The following CABIN1 variants were observed in gnomAD, a reference collection of about 807,000 sequenced individuals.
CABIN1 encodes the protein calcineurin binding protein 1, also known as calcineurin-binding protein cabin-1.
A neutral mutation model predicts 227.7 loss-of-function variants in CABIN1; 133 were observed. The ratio of observed to expected loss-of-function variants is 0.58; its 90% CI spans 0.51 to 0.67. The LOEUF (loss-of-function observed/expected upper bound fraction) is 0.67. Ranked by LOEUF, CABIN1 falls within the 30% of genes least tolerant of loss-of-function variation. CABIN1 has a pLI of 0.00. For synonymous variants in CABIN1, 1,086 were observed against 1,155.1 expected (o/e 0.94, Z 1.21); for missense variants, 2,408 against 2,852.5 (o/e 0.84, Z 3.55).
chr22:24,046,343 T>G (rs1456165667), intron 6 of CABIN1, among the ~76,000 whole-genome samples: 1 of 152,214 alleles, frequency 6.6e-6, no homozygotes, highest in East Asian at 1.9e-4. Context: ...ATATGTCTTT[T>G]AGTGAACATA....
chr22:24,061,611 C>A (rs1052851591), intron 12 of CABIN1, among the ~76,000 whole-genome samples: 5 of 152,220 alleles, frequency 3.3e-5, no homozygotes, highest in African/African-American at 7.2e-5. Flanking sequence ...AATGGTATAC[C>A]AGCTGCCCAG....
intron 18 of CABIN1, among the ~76,000 whole-genome samples, chr22:24,073,165 G>A (rs5996665): frequency 0.11 from 16,926 of 152,176 alleles, 1,063 homozygotes; most frequent in African/African-American, 0.16. Context: ...GGTAGAAAGT[G>A]TGCTGGATTG....
chr22:24,056,166 G>C (rs574169332), intron 9 of CABIN1, 26 bp from the exon 10 acceptor site: 1 of 1,610,682 alleles, frequency 6.2e-7, no homozygotes, highest in Non-Finnish European at 8.5e-7. Flanking sequence ...CACCGTGTAA[G>C]ATTTTAATTT....
At chr22:24,157,816 TAGGCTGGAACC>T (rs2045925660) in intron 29 of CABIN1, among the ~76,000 whole-genome samples, 1 of 152,152 alleles carries the variant, frequency 6.6e-6, no homozygotes, top group South Asian at 2.1e-4. Context: ...TGCTTAAGAA[TAGGCTGGAACC>T]AGGAGGAAGT....
At chr22:24,114,173 A>G (rs993106286) in intron 27 of CABIN1, among the ~76,000 whole-genome samples, 1 of 152,250 alleles carries the variant, frequency 6.6e-6, no homozygotes, top group African/African-American at 2.4e-5. Flanking sequence ...TGAGGTCTTC[A>G]GGAAAAATCT....
chr22:24,129,460 G>A (rs2043934337), intron 28 of CABIN1, among the ~76,000 whole-genome samples: 1 of 152,218 alleles, frequency 6.6e-6, no homozygotes, highest in African/African-American at 2.4e-5. Flanking sequence ...GACCCAAGCA[G>A]CCCCACTCAC....
intron 29 of CABIN1, among the ~76,000 whole-genome samples, chr22:24,159,059 G>C (rs1204869783): frequency 6.6e-6 from 1 of 152,210 alleles, no homozygotes; most frequent in African/African-American, 2.4e-5. Flanking sequence ...CTCTCTGCCT[G>C]TGGGCTTCTC....
Position 24,166,953 on chromosome 22 carries a change from G to A in CABIN1, c.5322G>A (p.Glu1774=), listed in dbSNP as rs769481743. The A allele has an allele frequency of 1.3e-6, 2 of 1,595,966 alleles. No individual in the cohort carries two copies. Among genetic ancestry groups the A allele is most frequent in the South Asian group, 2.2e-5 (2 of 88,982 alleles). ...CCACTGTTTGCCACTCAGACTTGGAGCGGACACCACCCCTGCTGCCAGGTC... is the reference window on the plus strand; with the variant it reads ...CCACTGTTTGCCACTCAGACTTGGAACGGACACCACCCCTGCTGCCAGGTC... ...SEATVCHSDL[E]RTPPLLPGRP... The change falls in exon 32 of 37, where the codon GAG becomes GAA. Residue 1774 remains glutamate, a synonymous_variant. Coordinates refer to ENST00000263119, the MANE Select transcript of CABIN1 (RefSeq NM_012295.4).
At chr22:24,176,659 T>C (rs1465379101) in intron 35 of CABIN1, among the ~76,000 whole-genome samples, 1 of 152,044 alleles carries the variant, frequency 6.6e-6, no homozygotes, top group Non-Finnish European at 1.5e-5. Flanking sequence ...TGACAGACAC[T>C]TGAGGGACAT....
At position 24,164,277 on chromosome 22, in the gene CABIN1, AG is replaced by A; in HGVS notation, c.4747-122del. On this transcript the variant is annotated intron_variant, in intron 29 of 36. Coordinates refer to ENST00000263119, the MANE Select transcript of CABIN1 (RefSeq NM_012295.4). ...TTGGGACAGTGAGAGGGGTCCAAGA[AG>A]CCCCTGGCTGGGCAGTGTCCCCTTT... 6 of 1,205,644 alleles carry A rather than the reference AG, an allele frequency of 5.0e-6. 1 individual carries two copies. The South Asian group carries it at 7.5e-5, about 15-fold the overall frequency. 74.7% of individuals were successfully genotyped at this position (1,205,644 alleles called of 1,614,324 possible).
chr22:24,091,562 A>C, intron 23 of CABIN1, 21 bp from the exon 24 acceptor site: 1 of 1,614,122 alleles, frequency 6.2e-7, no homozygotes, highest in African/African-American at 1.3e-5. Context: ...AGGCCAGCCC[A>C]GTCTCATGAT....
rs1206417588 is a variant in CABIN1 at position 24,056,463 on chromosome 22, C to T, written c.1262+103C>T. On this transcript the variant is annotated intron_variant, in intron 10 of 36. Coordinates refer to ENST00000263119, the MANE Select transcript of CABIN1 (RefSeq NM_012295.4). ...CATTGCCACCCTCTTCTCTGGTCTC[C>T]TCCTCTGTGTTCCCATAACATCTGT... The T allele has an allele frequency of 7.8e-6, 9 of 1,147,850 alleles. No individual in the cohort carries two copies. The East Asian group carries it at 1.7e-4, about 21-fold the overall frequency. The allele number at this position is 1,147,850 out of a possible 1,614,324, so 71.1% of individuals were successfully genotyped here.
intron 17 of CABIN1, 53 bp from the exon 18 acceptor site, chr22:24,072,301 T>G: frequency 6.8e-6 from 11 of 1,610,112 alleles, no homozygotes; most frequent in Non-Finnish European, 9.3e-6. Context: ...CAGTCTGCCC[T>G]GAAGGCTTAC....
intron 28 of CABIN1, 132 bp downstream of exon 28, chr22:24,119,830 C>T: frequency 1.1e-6 from 1 of 948,948 alleles, no homozygotes; most frequent in Non-Finnish European, 1.7e-6. Flanking sequence ...GCGAGGAGAG[C>T]TGCAGGAGGC....
chr22:24,056,207 G>A lies in CABIN1; in HGVS notation c.1109G>A (p.Gly370Glu), dbSNP rs369368849. The change falls in exon 10 of 37, where the codon GGA becomes GAA. Residue 370 changes from glycine to glutamate, a missense_variant. Coordinates refer to ENST00000263119, the MANE Select transcript of CABIN1 (RefSeq NM_012295.4). The stretch of plus-strand genomic sequence containing the variant: ...CTTTGTGAAGGTGATATTTCTGGGG[G>A]AGATAAATCCAAGAAAGGGGTAAAA... ...TGAPVGDISG[G>E]DKSKKGVKRK... 33 of 1,613,848 alleles carry A rather than the reference G, an allele frequency of 2.0e-5. No homozygotes were observed. The highest frequency in any genetic ancestry group is 2.8e-5 in the Non-Finnish European group (33 of 1,179,944).
rs1429763745 is a variant in CABIN1, at chr22:24,177,734, CCT to C, written c.6437_6438del (p.Pro2146ArgfsTer150). On this transcript the variant is annotated frameshift_variant, in exon 36 of 37. Transcript: ENST00000263119. LOFTEE classifies it high-confidence loss of function. The surrounding 1 kb of genome is among the most constrained non-coding windows in gnomAD (Gnocchi z 4.4). ...CCCCTCCGCCGCCACCAAGTTCCCCCCTGAGATCACCGTCACGCCACCCACCC... is the reference window on the plus strand; with the variant it reads ...CCCCTCCGCCGCCACCAAGTTCCCCCGAGATCACCGTCACGCCACCCACCC... The part of the protein sequence containing the change: ...VIPSAATKFP[P>X]EITVTPPTPT... 1 of 1,612,576 alleles carries C rather than the reference CCT, an allele frequency of 6.2e-7. No individual in the cohort carries two copies. The highest frequency in any genetic ancestry group is 8.5e-7 in the Non-Finnish European group (1 of 1,179,000).
intron 24 of CABIN1, among the ~76,000 whole-genome samples, chr22:24,093,695 G>C (rs542882315): frequency 6.6e-5 from 10 of 152,024 alleles, no homozygotes; most frequent in South Asian, 2.1e-4. Flanking sequence ...CGGGCAACAT[G>C]ATGAGACCCC....
chr22:24,058,274 C>T (rs1569141221), intron 10 of CABIN1, among the ~76,000 whole-genome samples: 1 of 152,230 alleles, frequency 6.6e-6, no homozygotes, highest in Admixed American at 6.5e-5. Context: ...CCTTCTGCCT[C>T]CACCTCCCAA....
intron 28 of CABIN1, among the ~76,000 whole-genome samples, chr22:24,121,323 C>T (rs921925981): frequency 9.2e-5 from 14 of 152,328 alleles, no homozygotes; most frequent in East Asian, 3.9e-4. Flanking sequence ...GCTGTGTCCC[C>T]ACAGTGACCG....
Sources: allele counts gnomAD v4.1 joint callset (sites outside exome capture counted in the v4.1 genomes callset), GRCh38; gene constraint gnomAD v4.1.1; non-coding constraint Gnocchi (gnomAD v3.1); transcripts MANE v1.5; gene names NCBI Gene and HGNC (gene_info 2026-07-23, HGNC 2026-07-21).